RGS7: variants seen among roughly 807,000 people sequenced by gnomAD.
RGS7 encodes the protein regulator of G protein signaling 7.
In RGS7, 27 loss-of-function variants were observed where a neutral mutation model predicts 81.1. The observed-to-expected ratio is 0.33, with a 90% CI of 0.25 to 0.46. The LOEUF is 0.46. Among genes scored for constraint, RGS7 ranks in the 20% least tolerant of loss-of-function variants. The probability of loss-of-function intolerance (pLI) is 1.00; values close to 1 mark genes in which losing one functional copy is unlikely to be tolerated. For missense variants in RGS7, 396 were observed against 607.4 expected, an observed-to-expected ratio of 0.65 and a Z score of 3.66; for synonymous variants, 208 against 207.7, an observed-to-expected ratio of 1.00 and a Z score of -0.01.
chr1:241,241,011 A>T (rs1462925447), intron 2 of RGS7, among the ~76,000 whole-genome samples: 1 of 152,064 alleles, frequency 6.6e-6, no homozygotes, highest in Admixed American at 6.6e-5. Context: ...GGCAGGCCAG[A>T]GCTAATTAAG....
chr1:241,247,821 A>G (rs1236669086), intron 2 of RGS7, among the ~76,000 whole-genome samples: 1 of 152,202 alleles, frequency 6.6e-6, no homozygotes, highest in Non-Finnish European at 1.5e-5. Context: ...AATGTCTTGT[A>G]TTGGTAGATT....
intron 6 of RGS7, among the ~76,000 whole-genome samples, chr1:240,898,596 A>C (rs1572660561): frequency 1.3e-5 from 2 of 152,240 alleles, no homozygotes; most frequent in East Asian, 3.9e-4. Context: ...AGCGCTTTTG[A>C]GTGAGTTTCT....
At chr1:241,248,456 A>G (rs571786507) in intron 2 of RGS7, among the ~76,000 whole-genome samples, 48 of 150,074 alleles carry the variant, frequency 3.2e-4, no homozygotes, top group Middle Eastern at 3.5e-3. Flanking sequence ...GGAAAAATAT[A>G]TTTTGGTCGT....
chr1:241,094,328 G>A (rs112425040), intron 3 of RGS7, among the ~76,000 whole-genome samples: 1 of 151,956 alleles, frequency 6.6e-6, no homozygotes, highest in African/African-American at 2.4e-5. Context: ...CAGAAGCCCA[G>A]GGGAGAGAGC....
At chr1:240,777,740 T>C (rs1038232380) in intron 18 of RGS7, among the ~76,000 whole-genome samples, 14 of 152,234 alleles carry the variant, frequency 9.2e-5, no homozygotes, top group Non-Finnish European at 1.6e-4. Context: ...CCTCAGATAA[T>C]GGAAGAAGGA....
intron 15 of RGS7, among the ~76,000 whole-genome samples, 180 bp from the exon 16 acceptor site, chr1:240,803,173 T>C (rs1249252914): frequency 1.3e-5 from 2 of 152,138 alleles, no homozygotes; most frequent in South Asian, 2.1e-4. Flanking sequence ...ATCTCATTCA[T>C]AGATCATTGT....
intron 2 of RGS7, among the ~76,000 whole-genome samples, chr1:241,152,563 T>C (rs939562184): frequency 2.6e-5 from 4 of 152,218 alleles, no homozygotes; most frequent in African/African-American, 9.6e-5. Flanking sequence ...GACTCAGTTG[T>C]AGCCAGCAAT....
intron 9 of RGS7, among the ~76,000 whole-genome samples, chr1:240,857,470 A>G (rs971926596): frequency 2.0e-5 from 3 of 152,164 alleles, no homozygotes; most frequent in Non-Finnish European, 4.4e-5. Context: ...ATGTATAACA[A>G]TATGTATCCA....
chr1:241,104,975 T>A (rs1196554361), intron 2 of RGS7, among the ~76,000 whole-genome samples: 1 of 152,234 alleles, frequency 6.6e-6, no homozygotes, highest in Non-Finnish European at 1.5e-5. Flanking sequence ...TGGAAGTTAA[T>A]TTAAGATTTG....
At chr1:241,319,654 T>C (rs1193890671) in intron 2 of RGS7, among the ~76,000 whole-genome samples, 1 of 152,134 alleles carries the variant, frequency 6.6e-6, no homozygotes, top group Non-Finnish European at 1.5e-5. Context: ...CGTCCCAAAA[T>C]GCTGGGATTA....
chr1:241,132,511 A>G (rs1049462471), intron 2 of RGS7, among the ~76,000 whole-genome samples: 1 of 152,170 alleles, frequency 6.6e-6, no homozygotes, highest in Non-Finnish European at 1.5e-5. Flanking sequence ...GCTTCCATCA[A>G]TGTTTGTTTA....
chr1:241,248,585 T>C (rs1411832226), intron 2 of RGS7, among the ~76,000 whole-genome samples: 1 of 152,058 alleles, frequency 6.6e-6, no homozygotes, highest in Non-Finnish European at 1.5e-5. Flanking sequence ...TCATTTCCTG[T>C]GTTCTTTTGT....
chr1:241,036,656 C>T (rs2500241), intron 3 of RGS7, among the ~76,000 whole-genome samples: 104,883 of 152,120 alleles, frequency 0.69, 36,937 homozygotes, highest in East Asian at 0.96. Flanking sequence ...TAATCCATTG[C>T]TTCACCTTAC....
intron 2 of RGS7, among the ~76,000 whole-genome samples, chr1:241,187,213 T>A (rs2072202033): frequency 6.6e-6 from 1 of 152,110 alleles, no homozygotes; most frequent in Non-Finnish European, 1.5e-5. Context: ...AGTGTAGTGT[T>A]ACATAAAATC....
intron 9 of RGS7, among the ~76,000 whole-genome samples, chr1:240,853,985 CAT>C (rs1660627338): frequency 7.9e-6 from 1 of 127,020 alleles, no homozygotes; most frequent in Non-Finnish European, 1.7e-5. Flanking sequence ...GATTACGAAA[CAT>C]ACAAAAAACA....
At chr1:240,978,719 A>G (rs948986216) in intron 4 of RGS7, among the ~76,000 whole-genome samples, 9 of 152,182 alleles carry the variant, frequency 5.9e-5, no homozygotes, top group African/African-American at 2.2e-4. Context: ...ATAAGCAGGC[A>G]TATAGTTAGT....
Position 241,291,435 on chromosome 1 carries a change from T to C in RGS7, c.78+64264A>G, listed in dbSNP as rs575480983. Among the ~76,000 whole-genome samples, 140 of 152,216 alleles carry C rather than the reference T, an allele frequency of 9.2e-4. 1 individual carries two copies. The highest frequency in any genetic ancestry group is 6.8e-3 in the Middle Eastern group (2 of 294). ...CTGGTCACCAACTTTTAGAGCTACA[T>C]TGAGGATGACAACTAGGGTGGAAAA... On this transcript the variant is annotated intron_variant, in intron 2 of 18. Transcript: ENST00000440928.
intron 9 of RGS7, among the ~76,000 whole-genome samples, chr1:240,852,681 C>T (rs1207244768): frequency 1.3e-5 from 2 of 152,142 alleles, no homozygotes; most frequent in Non-Finnish European, 2.9e-5. Flanking sequence ...GTTGCCTCTG[C>T]TCTGTGGAAA....
chr1:241,301,013 T>C (rs957488879), intron 2 of RGS7, among the ~76,000 whole-genome samples: 4 of 152,246 alleles, frequency 2.6e-5, no homozygotes, highest in African/African-American at 9.6e-5. Context: ...GTGAGATATA[T>C]GTCAAGCACC....
Sources: gnomAD v4.1 joint callset for allele counts (sites outside exome capture counted in the v4.1 genomes callset) on GRCh38, gnomAD v4.1.1 for gene constraint, MANE v1.5 for transcripts, NCBI Gene and HGNC (gene_info 2026-07-23, HGNC 2026-07-21) for gene names.